The following HMCN1 variants were observed in gnomAD, a reference collection of about 807,000 sequenced individuals.
HMCN1 encodes the protein hemicentin-1.
A neutral mutation model predicts 625.9 loss-of-function variants in HMCN1; 321 were observed. The observed-to-expected ratio is 0.51, with a 90% CI of 0.47 to 0.56. The LOEUF (loss-of-function observed/expected upper bound fraction) is 0.56, where lower values mean the gene tolerates loss of function less well. Ranked by LOEUF, HMCN1 falls within the 20% of genes least tolerant of loss-of-function variation. The probability of loss-of-function intolerance (pLI) is 0.00; values close to 1 mark genes in which losing one functional copy is unlikely to be tolerated. For synonymous variants in HMCN1, 2,425 were observed against 2,417.6 expected (o/e 1.00, Z -0.09); for missense variants, 6,588 against 6,887.3 (o/e 0.96, Z 1.54).
intron 72 of HMCN1, 138 bp from the exon 73 acceptor site, chr1:186,113,841 T>C (rs1661000169): frequency 3.1e-6 from 3 of 961,516 alleles, no homozygotes; most frequent in Admixed American, 3.7e-5. Context: ...ACCTCAATTC[T>C]ACTTATACTA....
At chr1:186,005,337 ATTGT>A (rs961431285) in intron 29 of HMCN1, among the ~76,000 whole-genome samples, 3 of 147,630 alleles carry the variant, frequency 2.0e-5, no homozygotes, top group Non-Finnish European at 3.0e-5. Flanking sequence ...CAATTTTTTA[ATTGT>A]TTATAAATGT....
intron 97 of HMCN1, 40 bp from the exon 98 acceptor site, chr1:186,165,071 T>G: frequency 6.3e-7 from 1 of 1,578,126 alleles, no homozygotes; most frequent in Non-Finnish European, 8.7e-7. Context: ...GGGCAACTAT[T>G]CCAATAAGCC....
intron 1 of HMCN1, among the ~76,000 whole-genome samples, chr1:185,794,509 A>AG (rs1300367505): frequency 6.6e-6 from 1 of 151,682 alleles, no homozygotes; most frequent in Non-Finnish European, 1.5e-5. Context: ...AAGAAAAAAA[A>AG]GAGAACTTGG....
intron 1 of HMCN1, among the ~76,000 whole-genome samples, chr1:185,804,376 C>T (rs1051419063): frequency 1.3e-5 from 2 of 152,014 alleles, no homozygotes; most frequent in African/African-American, 2.4e-5. Context: ...GTTTGACAGT[C>T]ATCTGGAATG....
chr1:185,958,913 A>G (rs1479318849), intron 11 of HMCN1, among the ~76,000 whole-genome samples: 2 of 152,316 alleles, frequency 1.3e-5, no homozygotes, highest in East Asian at 3.9e-4. Context: ...GAAGGAAAGC[A>G]CCACTTTCCT....
chr1:185,942,768 C>T (rs1668148077), intron 11 of HMCN1, among the ~76,000 whole-genome samples: 1 of 152,260 alleles, frequency 6.6e-6, no homozygotes, highest in Admixed American at 6.5e-5. Flanking sequence ...GTTAATCCCA[C>T]AAAACTGCAC....
rs764642395 is a variant in HMCN1, at chr1:186,123,204, C to G, written c.12483C>G (p.Thr4161=). 6.2e-7 allele frequency: 1 copy of G among 1,613,764 alleles called. No individual in the cohort carries two copies. Among genetic ancestry groups the G allele is most frequent in the East Asian group, 2.2e-5 (1 of 44,846 alleles). ...ANVAGSSSTS[T]KLTVHVPPRI... is the part of the protein sequence containing the mutation. ...TAGCAGGATCAAGCAGCACAAGCAC[C>G]AAGCTCACCGTCCATGGTAGGTTGT... is the stretch of plus-strand genomic sequence containing the variant. Residue 4161 remains threonine, a synonymous_variant, in exon 81 of 107, where the codon ACC becomes ACG. Transcript: ENST00000271588.
intron 4 of HMCN1, among the ~76,000 whole-genome samples, chr1:185,889,658 G>A (rs1664918323): frequency 1.4e-5 from 2 of 138,482 alleles, no homozygotes; most frequent in Non-Finnish European, 3.0e-5. Context: ...CAGGGATGAA[G>A]CCCACTTGAT....
In HMCN1 at chr1:186,019,594, A is replaced by G. The variant is rs1654584653; in HGVS notation, c.5524A>G (p.Lys1842Glu). ...GLSERVVVKY[K>E]PVALQCIANG... is the part of the protein sequence containing the mutation. Reference sequence around the variant, plus strand: ...TTCTGAGAGAGTTGTGGTAAAATACAAGCCTGTCGCCTTGCAGTGCATAGC... The same window carrying G: ...TTCTGAGAGAGTTGTGGTAAAATACGAGCCTGTCGCCTTGCAGTGCATAGC... The change falls in exon 35 of 107, where the codon AAG becomes GAG. Residue 1842 changes from lysine (K) to glutamate (E), a missense_variant. Lys to Glu is a moderately conservative substitution (Grantham distance 56). Coordinates refer to ENST00000271588, the MANE Select transcript of HMCN1 (RefSeq NM_031935.3). 6.2e-7 allele frequency: 1 copy of G among 1,610,894 alleles called. No individual in the cohort carries two copies. Among genetic ancestry groups the G allele is most frequent in the Non-Finnish European group, 8.5e-7 (1 of 1,177,318 alleles).
In HMCN1 at chr1:186,189,628, G is replaced by A. The variant is rs148530862; in HGVS notation, c.16658G>A (p.Arg5553Gln). 1.2e-5 allele frequency: 20 copies of A among 1,612,778 alleles called. No homozygotes were observed. The highest frequency in any genetic ancestry group is 6.7e-5 in the East Asian group (3 of 44,846). ...ATAGCCACCAATCAAGATTTAATCC[G>A]GCTGGTTGCATACACACAGGATGGA... is the stretch of plus-strand genomic sequence containing the variant. ...FGIATNQDLIRLVAYTQDGVM... is the reference protein window; with the variant it reads ...FGIATNQDLIQLVAYTQDGVM... Residue 5553 changes from arginine to glutamine, a missense_variant, in exon 107 of 107, where the codon CGG becomes CAG. Physicochemically the swap from Arg to Gln is conservative, Grantham distance 43. Transcript: ENST00000271588.
At chr1:186,029,467 T>C (rs1016682908) in intron 36 of HMCN1, among the ~76,000 whole-genome samples, 2 of 152,144 alleles carry the variant, frequency 1.3e-5, no homozygotes, top group Non-Finnish European at 2.9e-5. Flanking sequence ...TTTATATCTT[T>C]CTAAGATTGT....
chr1:185,954,847 T>C (rs1465848711), intron 11 of HMCN1, among the ~76,000 whole-genome samples: 1 of 152,160 alleles, frequency 6.6e-6, no homozygotes, highest in Non-Finnish European at 1.5e-5. Flanking sequence ...TCTTATGCCC[T>C]CTTTATTTAT....
chr1:185,997,181 T>C (rs560263629), intron 24 of HMCN1, among the ~76,000 whole-genome samples: 2 of 152,010 alleles, frequency 1.3e-5, no homozygotes, highest in African/African-American at 4.8e-5. Context: ...AGTGCCTTCA[T>C]TGAGGGAATA....
intron 46 of HMCN1, among the ~76,000 whole-genome samples, chr1:186,059,996 G>C (rs1198867391): frequency 6.6e-6 from 1 of 151,958 alleles, no homozygotes; most frequent in Admixed American, 6.6e-5. Flanking sequence ...AATCTGAAGT[G>C]GCAGTGAGTG....
At chr1:185,995,382 T>G (rs1164247007) in intron 24 of HMCN1, among the ~76,000 whole-genome samples, 1 of 152,052 alleles carries the variant, frequency 6.6e-6, no homozygotes, top group Non-Finnish European at 1.5e-5. Context: ...GGAGACATTG[T>G]GGGAAGAGTG....
In HMCN1 at chr1:185,734,763, G is replaced by C. The variant is rs1329106975; in HGVS notation, c.-17G>C. ...GCTTAGGCGCTGAGGGGGAAAAAGA[G>C]GGGGAAAAAAAAGAAAATGATTTCC... On this transcript the variant is annotated 5_prime_UTR_variant, in exon 1 of 107. Transcript: ENST00000271588. The C allele has an allele frequency of 6.2e-7, 1 of 1,613,624 alleles. No homozygotes were observed. Among genetic ancestry groups the C allele is most frequent in the Admixed American group, 1.7e-5 (1 of 59,998 alleles).
chr1:186,038,912 G>C lies in HMCN1; in HGVS notation c.5935G>C (p.Glu1979Gln). 1.2e-6 allele frequency: 2 copies of C among 1,606,394 alleles called. No individual in the cohort carries two copies. The highest frequency in any genetic ancestry group is 8.5e-7 in the Non-Finnish European group (1 of 1,173,180). The change falls in exon 38 of 107, where the codon GAA becomes CAA. Residue 1979 changes from glutamate (E) to glutamine (Q), a missense_variant. This residue lies in a region of HMCN1 where 4,628 missense variants were observed against 4,853.1 expected (regional missense o/e 0.95). Transcript: ENST00000271588. ...FLNRGQIIDIESAQISDAGIY... is the reference protein window; with the variant it reads ...FLNRGQIIDIQSAQISDAGIY... The stretch of plus-strand genomic sequence containing the variant: ...GAACAGAGGACAGATCATTGATATT[G>C]AAAGTGCCCAGATCTCAGATGCTGG...
chr1:185,993,556 T>C (rs1652582545), intron 23 of HMCN1: 1 of 428,770 alleles, frequency 2.3e-6, no homozygotes, highest in Non-Finnish European at 4.3e-6. Context: ...TCAATTTTTC[T>C]ACTGGTCAAC....
intron 68 of HMCN1, among the ~76,000 whole-genome samples, chr1:186,097,369 G>C (rs564805555): frequency 8.5e-5 from 13 of 152,224 alleles, no homozygotes; most frequent in Non-Finnish European, 1.8e-4. Flanking sequence ...TGTGGAATCT[G>C]CAGATACCGA....
Sources: gnomAD v4.1 joint callset for allele counts (sites outside exome capture counted in the v4.1 genomes callset) on GRCh38, gnomAD v4.1.1 for gene constraint, gnomAD v4.1.1 regional missense constraint, MANE v1.5 for transcripts, NCBI Gene and HGNC (gene_info 2026-07-23, HGNC 2026-07-21) for gene names.